ZFHX3: variants seen among roughly 807,000 people sequenced by gnomAD.
ZFHX3 encodes zinc finger homeobox protein 3.
In ZFHX3, 42 loss-of-function variants were observed where a neutral mutation model predicts 279.1. The ratio of observed to expected loss-of-function variants is 0.15; its 90% confidence interval spans 0.12 to 0.19. The LOEUF is 0.19. Ranked by LOEUF, ZFHX3 falls within the 10% of genes least tolerant of loss-of-function variation. The pLI is 1.00. For missense variants in ZFHX3, 4,981 were observed against 4,754.0 expected, an observed-to-expected ratio of 1.05 and a Z score of -1.40; for synonymous variants, 2,293 against 1,957.8, an observed-to-expected ratio of 1.17 and a Z score of -4.52.
At chr16:73,618,157 T>A (rs1262986701) in intron 2 of ZFHX3, among the ~76,000 whole-genome samples, 1 of 152,210 alleles carries the variant, frequency 6.6e-6, no homozygotes, top group Non-Finnish European at 1.5e-5. Flanking sequence ...ATGATCATTA[T>A]TACAGTATTC....
intron 5 of ZFHX3, among the ~76,000 whole-genome samples, chr16:73,221,679 T>G (rs1008986246): frequency 2.6e-5 from 4 of 152,198 alleles, no homozygotes; most frequent in Non-Finnish European, 5.9e-5. Context: ...TAAAGTACTG[T>G]TTCTTTTTCT....
intron 2 of ZFHX3, among the ~76,000 whole-genome samples, chr16:73,537,839 T>C (rs956608494): frequency 1.3e-5 from 2 of 152,194 alleles, no homozygotes; most frequent in African/African-American, 2.4e-5. Context: ...GCTGACCATT[T>C]AGGGTCGTGG....
At chr16:73,042,098 T>C (rs941899821) in intron 1 of ZFHX3, among the ~76,000 whole-genome samples, 2 of 152,186 alleles carry the variant, frequency 1.3e-5, no homozygotes, top group South Asian at 2.1e-4. Flanking sequence ...GTGGTTTTTA[T>C]AGACTTTCAG....
intron 3 of ZFHX3, among the ~76,000 whole-genome samples, chr16:73,362,569 G>C (rs1382617754): frequency 6.6e-6 from 1 of 152,202 alleles, no homozygotes; most frequent in African/African-American, 2.4e-5. Context: ...CTGCAAATGA[G>C]TCACAAAGAA....
intron 2 of ZFHX3, among the ~76,000 whole-genome samples, chr16:73,586,320 C>T (rs565601314): frequency 6.6e-6 from 1 of 152,002 alleles, no homozygotes; most frequent in African/African-American, 2.4e-5. Context: ...AACCAGGAGG[C>T]AGAGGTTACA....
intron 2 of ZFHX3, among the ~76,000 whole-genome samples, chr16:73,566,158 G>A (rs932006110): frequency 1.3e-5 from 2 of 152,184 alleles, no homozygotes; most frequent in Non-Finnish European, 2.9e-5. Flanking sequence ...CTCCACATGC[G>A]GGCAGGAAGG....
At chr16:73,649,619 A>G (rs2052652222) in intron 2 of ZFHX3, among the ~76,000 whole-genome samples, 1 of 152,186 alleles carries the variant, frequency 6.6e-6, no homozygotes, top group Non-Finnish European at 1.5e-5. Flanking sequence ...TTTTTGTTCT[A>G]CCTATAGACT....
At chr16:73,356,691 T>C (rs2016346487) in intron 3 of ZFHX3, among the ~76,000 whole-genome samples, 1 of 152,080 alleles carries the variant, frequency 6.6e-6, no homozygotes, top group South Asian at 2.1e-4. Context: ...AGCATTTCCA[T>C]GGGGATTAAG....
intron 7 of ZFHX3, among the ~76,000 whole-genome samples, chr16:73,102,249 A>T (rs1389604102): frequency 6.6e-6 from 1 of 152,174 alleles, no homozygotes; most frequent in African/African-American, 2.4e-5. Flanking sequence ...CAGATGAAGA[A>T]CTTGGAAATG....
chr16:73,537,197 T>C (rs563744795), intron 2 of ZFHX3, among the ~76,000 whole-genome samples: 7 of 152,222 alleles, frequency 4.6e-5, no homozygotes, highest in African/African-American at 1.7e-4. Context: ...CTTCAGCAGC[T>C]GATGGCTCAG....
chr16:73,574,353 C>CCA (rs34467145), intron 2 of ZFHX3, among the ~76,000 whole-genome samples: 7 of 152,148 alleles, frequency 4.6e-5, no homozygotes, highest in African/African-American at 1.7e-4. Context: ...GGGCCCCCCC[C>CCA]AGCATCCACT....
At chr16:73,325,811 G>A (rs141564853) in intron 3 of ZFHX3, among the ~76,000 whole-genome samples, 2 of 152,058 alleles carry the variant, frequency 1.3e-5, no homozygotes, top group East Asian at 1.9e-4. Context: ...GAAGGGAAAG[G>A]CAGAAGGGCA....
At chr16:73,668,043 C>T (rs1269517517) in intron 2 of ZFHX3, among the ~76,000 whole-genome samples, 1 of 152,162 alleles carries the variant, frequency 6.6e-6, no homozygotes, top group African/African-American at 2.4e-5. Flanking sequence ...TTAACATATT[C>T]ATGTTTCCTT....
chr16:73,088,137 A>G (rs1432571647), intron 8 of ZFHX3, among the ~76,000 whole-genome samples: 1 of 112,988 alleles, frequency 8.9e-6, no homozygotes, highest in Non-Finnish European at 1.8e-5. Context: ...CTAAACTTTC[A>G]TTTCATTTTT....
intron 1 of ZFHX3, among the ~76,000 whole-genome samples, chr16:73,748,732 G>T (rs1030206193): frequency 5.3e-5 from 8 of 152,152 alleles, no homozygotes; most frequent in Admixed American, 5.2e-4. Flanking sequence ...AAAAATGGAA[G>T]TGTCTTTGCC....
intron 1 of ZFHX3, among the ~76,000 whole-genome samples, chr16:73,009,305 T>C (rs1446868500): frequency 1.3e-5 from 2 of 152,174 alleles, no homozygotes; most frequent in East Asian, 3.9e-4. Flanking sequence ...TTTCTGCAAC[T>C]GGGAAATTCT....
chr16:73,180,484 G>A (rs1372165125), intron 5 of ZFHX3, among the ~76,000 whole-genome samples: 1 of 152,170 alleles, frequency 6.6e-6, no homozygotes, highest in Admixed American at 6.5e-5. Flanking sequence ...AGACGTGAGT[G>A]GGCACGAAGC....
At position 73,124,159 on chromosome 16, in the gene ZFHX3, G is replaced by A. The variant is rs562360513; in HGVS notation, c.-897+6809C>T. ...ATAATAGTGTGTTTTGGCCTGTTCC[G>A]GCTGCCGTAACAAAATACCATAAAC... is the stretch of plus-strand genomic sequence containing the variant. On this transcript the variant is annotated intron_variant, in intron 7 of 17. Transcript: ENST00000641206. Among the ~76,000 whole-genome samples the A allele has an allele frequency of 6.6e-5, 10 of 152,206 alleles. No homozygotes were observed. The East Asian group carries it at 7.7e-4, about 12-fold the overall frequency.
At chr16:72,860,150 C>T (rs1465001548) in intron 4 of ZFHX3, among the ~76,000 whole-genome samples, 2 of 152,102 alleles carry the variant, frequency 1.3e-5, no homozygotes. Context: ...TTAACAGATC[C>T]AGATTCCCAT....
Sources: allele counts gnomAD v4.1 joint callset (sites outside exome capture counted in the v4.1 genomes callset), GRCh38; gene constraint gnomAD v4.1.1; transcripts MANE v1.5; gene names NCBI Gene and HGNC (gene_info 2026-07-23, HGNC 2026-07-21).